OTC: variants seen among roughly 807,000 people sequenced by gnomAD.
OTC encodes ornithine transcarbamylase, mitochondrial.
In OTC, 3 loss-of-function variants were observed where a neutral mutation model predicts 30.3. That is an observed-to-expected ratio of 0.10 (90% CI 0.05 to 0.26). The LOEUF (loss-of-function observed/expected upper bound fraction) is 0.26, where lower values mean the gene tolerates loss of function less well. Ranked by LOEUF, OTC falls within the 10% of genes least tolerant of loss-of-function variation. The pLI, the probability that OTC is intolerant of heterozygous loss-of-function variation, is 1.00. For synonymous variants in OTC, 111 were observed against 99.7 expected (o/e 1.11, Z -0.67); for missense variants, 194 against 260.3 (o/e 0.75, Z 1.75).
At chrX:38,413,581 G>T (rs181296327) in intron 9 of OTC, among the ~76,000 whole-genome samples, 1 of 111,303 alleles carries the variant, frequency 9.0e-6, no homozygotes, top group East Asian at 2.8e-4. Context: ...GCCTTAATGT[G>T]CATTTAAATT....
At chrX:38,388,212 G>T (rs1365653589) in intron 4 of OTC, among the ~76,000 whole-genome samples, 1 of 111,750 alleles carries the variant, frequency 8.9e-6, no homozygotes, top group Non-Finnish European at 1.9e-5. Context: ...TTGTTTTCTT[G>T]CTTCAGCATG....
chrX:38,356,233 G>C (rs1400795133), intron 1 of OTC, among the ~76,000 whole-genome samples: 2 of 110,122 alleles, frequency 1.8e-5, no homozygotes, highest in African/African-American at 6.6e-5. Flanking sequence ...TGAGTTTCAG[G>C]TTTCCAGATC....
chrX:38,361,726 A>AC (rs57413381), intron 1 of OTC, among the ~76,000 whole-genome samples: 39,076 of 111,058 alleles, frequency 0.35, 5,766 homozygotes, highest in Middle Eastern at 0.51. Flanking sequence ...ACAAGGAAAT[A>AC]AAGCACTATA....
At chrX:38,420,512 G>A (rs370697881) in intron 9 of OTC, among the ~76,000 whole-genome samples, 13 of 110,631 alleles carry the variant, frequency 1.2e-4, no homozygotes, top group African/African-American at 4.3e-4. Context: ...CAGATCAAGG[G>A]GAAGCGGTAT....
At chrX:38,350,283 T>C (rs1024348640), upstream of OTC, among the ~76,000 whole-genome samples, 1 of 111,995 alleles carries the variant, frequency 8.9e-6, no homozygotes, top group African/African-American at 3.2e-5. Flanking sequence ...TCATCATTCC[T>C]GTTTTATCAC....
intron 5 of OTC, 135 bp from the exon 6 acceptor site, chrX:38,403,483 C>CA: frequency 1.6e-6 from 1 of 642,222 alleles, no homozygotes; most frequent in African/African-American, 2.2e-5. Context: ...CTGTGTAATG[C>CA]AAAAAAATTG....
chrX:38,412,532 A>C (rs990761366), intron 9 of OTC, among the ~76,000 whole-genome samples: 1 of 112,198 alleles, frequency 8.9e-6, no homozygotes. Flanking sequence ...TTAAAAATTA[A>C]TGGTTCCTTT....
chrX:38,341,574 G>A, the OTC span, among the ~76,000 whole-genome samples: 1 of 112,146 alleles, frequency 8.9e-6, no homozygotes, highest in East Asian at 2.8e-4. Context: ...TAGTGGCCAT[G>A]GTAGCGAAGG....
At chrX:38,342,309 A>C in the OTC span, among the ~76,000 whole-genome samples, 1 of 110,865 alleles carries the variant, frequency 9.0e-6, no homozygotes, top group African/African-American at 3.3e-5. Flanking sequence ...CACCATGCCC[A>C]GCCTGAATTT....
intron 2 of OTC, among the ~76,000 whole-genome samples, chrX:38,368,216 C>A (rs761731565): frequency 9.1e-6 from 1 of 110,354 alleles, no homozygotes. Context: ...AAAAATTAGC[C>A]GGGCATGGTG....
At chrX:38,347,559 T>C in the OTC span, among the ~76,000 whole-genome samples, 3 of 112,422 alleles carry the variant, frequency 2.7e-5, no homozygotes, top group Non-Finnish European at 5.6e-5. Flanking sequence ...CAACCAGCTA[T>C]AAAAATTATT....
In OTC at chrX:38,401,616, G is replaced by A. The variant is rs889828623; in HGVS notation, c.540+188G>A. On this transcript the variant is annotated intron_variant, in intron 5 of 9. Coordinates refer to ENST00000039007, the MANE Select transcript of OTC (RefSeq NM_000531.6). Reference sequence around the variant, plus strand: ...ATTGTTAAAAACAGACTCTAAGATCGCTCTGCACTCAACCCTATTCCCAAA... The same window carrying A: ...ATTGTTAAAAACAGACTCTAAGATCACTCTGCACTCAACCCTATTCCCAAA... Among the ~76,000 whole-genome samples the A allele has an allele frequency of 5.4e-5, 6 of 111,851 alleles. No individual in the cohort carries two copies. In the East Asian group the frequency reaches 1.1e-3, roughly 21 times the overall value.
intron 4 of OTC, chrX:38,395,663 G>T: frequency 6.5e-6 from 1 of 153,702 alleles, no homozygotes; most frequent in Non-Finnish European, 1.4e-5. Context: ...CAGCGTGCAG[G>T]TTCCCCCATT....
intron 9 of OTC, among the ~76,000 whole-genome samples, chrX:38,417,029 T>C (rs1488414229): frequency 8.9e-6 from 1 of 112,070 alleles, no homozygotes; most frequent in Non-Finnish European, 1.9e-5. Flanking sequence ...CCACCCACTC[T>C]TAAGTGGTTC....
chrX:38,353,733 G>A (rs995681597), intron 1 of OTC, among the ~76,000 whole-genome samples: 4 of 111,298 alleles, frequency 3.6e-5, no homozygotes, highest in Non-Finnish European at 7.5e-5. Flanking sequence ...GAATGATACC[G>A]TAAATAATAT....
chrX:38,410,545 T>C (rs1234862767), intron 8 of OTC, among the ~76,000 whole-genome samples: 1 of 112,520 alleles, frequency 8.9e-6, no homozygotes, highest in Non-Finnish European at 1.9e-5. Context: ...TTTATGTTTA[T>C]TGGGCATTGC....
At chrX:38,393,895 C>T in intron 4 of OTC, among the ~76,000 whole-genome samples, 1 of 111,824 alleles carries the variant, frequency 8.9e-6, no homozygotes, top group South Asian at 3.8e-4. Context: ...CTTTCAAGGG[C>T]TGCCTGTATC....
At chrX:38,370,176 C>T (rs2068316836) in intron 3 of OTC, among the ~76,000 whole-genome samples, 2 of 112,463 alleles carry the variant, frequency 1.8e-5, no homozygotes, top group Non-Finnish European at 3.8e-5. Context: ...CTTGAACTCA[C>T]GTGGGTAAGA....
At chrX:38,329,241 C>T in the OTC span, among the ~76,000 whole-genome samples, 2 of 111,029 alleles carry the variant, frequency 1.8e-5, no homozygotes, top group East Asian at 2.8e-4. Flanking sequence ...AAAGAGCTGG[C>T]GACATTGGAG....
Sources: allele counts gnomAD v4.1 joint callset (sites outside exome capture counted in the v4.1 genomes callset), GRCh38; gene constraint gnomAD v4.1.1; transcripts MANE v1.5; gene names NCBI Gene and HGNC (gene_info 2026-07-23, HGNC 2026-07-21).